Variants in LRRC37A2 observed in about 807,000 individuals in gnomAD.
LRRC37A2 encodes the protein leucine-rich repeat-containing protein 37A2.
LRRC37A2 carries 9 observed loss-of-function variants against 68.8 expected under a neutral mutation model. That is an observed-to-expected ratio of 0.13 (90% CI 0.08 to 0.23). LRRC37A2 has a LOEUF of 0.23. LRRC37A2 is among the 10% of genes least tolerant of loss of function. The probability of loss-of-function intolerance (pLI) is 1.00; values close to 1 mark genes in which losing one functional copy is unlikely to be tolerated. For synonymous variants in LRRC37A2, 63 were observed against 367.6 expected (o/e 0.17, Z 9.48); for missense variants, 168 against 950.4 (o/e 0.18, Z 10.82).
chr17:46,755,841 C>T, the LRRC37A2 span: 1 of 1,604,168 alleles, frequency 6.2e-7, no homozygotes, highest in Non-Finnish European at 8.5e-7. Flanking sequence ...CTATTTGAAA[C>T]ACACAGTGAC....
At chr17:46,926,868 C>T in the LRRC37A2 span, among the ~76,000 whole-genome samples, 1 of 152,314 alleles carries the variant, frequency 6.6e-6, no homozygotes, top group East Asian at 1.9e-4. Context: ...CTTTGATGAA[C>T]GTCCTGCCAT....
the LRRC37A2 span, among the ~76,000 whole-genome samples, chr17:46,771,931 C>A: frequency 6.8e-6 from 1 of 146,446 alleles, no homozygotes; most frequent in Non-Finnish European, 1.5e-5. Flanking sequence ...TCGGGCCCGC[C>A]GCGCCGCCGC....
chr17:47,032,415 C>G, the LRRC37A2 span, among the ~76,000 whole-genome samples: 3 of 152,018 alleles, frequency 2.0e-5, no homozygotes, highest in Non-Finnish European at 4.4e-5. Flanking sequence ...AAGGTTCACA[C>G]GGCTAATAAG....
the LRRC37A2 span, among the ~76,000 whole-genome samples, chr17:46,813,318 A>G: frequency 1.3e-5 from 2 of 151,614 alleles, no homozygotes; most frequent in Admixed American, 6.6e-5. Context: ...AAGCCCAGAG[A>G]AGGGAAGGGA....
chr17:47,025,235 A>C, the LRRC37A2 span, among the ~76,000 whole-genome samples: 1 of 152,212 alleles, frequency 6.6e-6, no homozygotes, highest in Non-Finnish European at 1.5e-5. Flanking sequence ...TCACAAAAAA[A>C]ATTTCAAAAA....
the LRRC37A2 span, among the ~76,000 whole-genome samples, chr17:46,739,640 TA>T: frequency 3.1e-4 from 45 of 144,806 alleles, no homozygotes; most frequent in African/African-American, 3.3e-4. Context: ...CTTCCTCTAC[TA>T]AAAAAAAAAA....
chr17:47,009,774 G>A, the LRRC37A2 span, among the ~76,000 whole-genome samples: 2 of 152,364 alleles, frequency 1.3e-5, no homozygotes, highest in African/African-American at 2.4e-5. Context: ...TGGAGGGCAC[G>A]GGGCAGCATT....
At chr17:46,834,058 G>GGT in the LRRC37A2 span, among the ~76,000 whole-genome samples, 1 of 152,090 alleles carries the variant, frequency 6.6e-6, no homozygotes, top group African/African-American at 2.4e-5. Flanking sequence ...AGTCAGGTGT[G>GGT]GTGGCATGTG....
chr17:46,785,297 C>A, the LRRC37A2 span, among the ~76,000 whole-genome samples: 1 of 152,208 alleles, frequency 6.6e-6, no homozygotes, highest in Non-Finnish European at 1.5e-5. Context: ...TTTGGCCAGC[C>A]CTTCCTGGAC....
the LRRC37A2 span, among the ~76,000 whole-genome samples, chr17:46,962,643 A>G: frequency 1.5e-4 from 23 of 152,218 alleles, no homozygotes; most frequent in Non-Finnish European, 2.6e-4. Context: ...AGGAGAGGAA[A>G]GAGGTCCAGC....
the LRRC37A2 span, chr17:46,751,655 A>T: frequency 2.7e-5 from 36 of 1,332,672 alleles, no homozygotes; most frequent in Admixed American, 6.3e-4. Context: ...AGACAGAACA[A>T]AGCTTCAGGA....
the LRRC37A2 span, among the ~76,000 whole-genome samples, chr17:46,995,288 G>A: frequency 2.6e-5 from 4 of 152,302 alleles, no homozygotes; most frequent in Non-Finnish European, 5.9e-5. Context: ...GGCTACAGCC[G>A]AGCCCCCTGG....
At chr17:46,896,442 G>GAA in the LRRC37A2 span, among the ~76,000 whole-genome samples, 497 of 69,312 alleles carry the variant, frequency 7.2e-3, 2 homozygotes, top group African/African-American at 0.058. Context: ...AAGAAAGAAA[G>GAA]AAAGAAAGAA....
chr17:46,552,916 G>A (rs2145876719), intron 11 of LRRC37A2, among the ~76,000 whole-genome samples: 1 of 145,644 alleles, frequency 6.9e-6, no homozygotes, highest in Admixed American at 6.8e-5. Flanking sequence ...ATAGCCAGGT[G>A]TGGTAGTATG....
the LRRC37A2 span, among the ~76,000 whole-genome samples, chr17:46,959,227 GAGCTC>G: frequency 6.6e-6 from 1 of 152,234 alleles, no homozygotes; most frequent in African/African-American, 2.4e-5. Context: ...GACTGACTGT[GAGCTC>G]AGAGCAGGCA....
the LRRC37A2 span, among the ~76,000 whole-genome samples, chr17:46,994,059 A>C: frequency 6.6e-6 from 1 of 152,212 alleles, no homozygotes; most frequent in Admixed American, 6.5e-5. Context: ...AACATTGACT[A>C]TACCGTGGAA....
chr17:46,744,606 G>A, the LRRC37A2 span, among the ~76,000 whole-genome samples: 1 of 150,418 alleles, frequency 6.6e-6, no homozygotes, highest in Non-Finnish European at 1.5e-5. Context: ...TATATTAGTG[G>A]CATTTTTATT....
chr17:46,699,402 GACACAC>G, the LRRC37A2 span, among the ~76,000 whole-genome samples: 245 of 148,298 alleles, frequency 1.7e-3, 2 homozygotes, highest in African/African-American at 5.5e-3. Context: ...ATAAACTGAG[GACACAC>G]ACACACACAC....
the LRRC37A2 span, among the ~76,000 whole-genome samples, chr17:46,679,623 C>T: frequency 2.3e-5 from 3 of 132,264 alleles, no homozygotes; most frequent in Non-Finnish European, 4.8e-5. Flanking sequence ...ACCCGGGAGG[C>T]GGAGATTGCA....
Sources: allele counts gnomAD v4.1 joint callset (sites outside exome capture counted in the v4.1 genomes callset), GRCh38; gene constraint gnomAD v4.1.1; transcripts MANE v1.5; gene names NCBI Gene and HGNC (gene_info 2026-07-23, HGNC 2026-07-21).